Variants in HNF4G observed in about 807,000 individuals in gnomAD.
HNF4G encodes hepatocyte nuclear factor 4-gamma.
In HNF4G, 21 loss-of-function variants were observed where a neutral mutation model predicts 50.9. The ratio of observed to expected loss-of-function variants is 0.41; its 90% confidence interval spans 0.29 to 0.59. The LOEUF is 0.59. HNF4G is among the 20% of genes least tolerant of loss of function. HNF4G has a pLI of 0.26. For missense variants in HNF4G, 527 were observed against 559.4 expected, an observed-to-expected ratio of 0.94 and a Z score of 0.58; for synonymous variants, 198 against 185.6, an observed-to-expected ratio of 1.07 and a Z score of -0.54.
intron 1 of HNF4G, among the ~76,000 whole-genome samples, chr8:75,475,158 T>C (rs1212735031): frequency 6.6e-6 from 1 of 151,744 alleles, no homozygotes; most frequent in Non-Finnish European, 1.5e-5. Context: ...TACTGGTACA[T>C]GCCAACACGC....
In HNF4G at chr8:75,566,675, T is replaced by C. The variant is rs1425781677; in HGVS notation, c.*2579T>C. The C allele has an allele frequency of 1.3e-5, 2 of 152,446 alleles. No homozygotes were observed. Among genetic ancestry groups the C allele is most frequent in the African/African-American group, 4.8e-5 (2 of 41,448 alleles). The allele number at this position is 152,446 out of a possible 1,614,324, so 9.4% of individuals were successfully genotyped here. On this transcript the variant is annotated 3_prime_UTR_variant, in exon 10 of 10. Transcript: ENST00000396423. ...GAATAATTTATTGTGAAATAATTCA[T>C]TTTATAAATGTATAATTATTTTTAT... is the stretch of plus-strand genomic sequence containing the variant.
chr8:75,436,168 A>T (rs573978871), intron 1 of HNF4G, among the ~76,000 whole-genome samples: 41 of 152,336 alleles, frequency 2.7e-4, no homozygotes, highest in Middle Eastern at 3.4e-3. Context: ...CAAATAAATT[A>T]AAAAATATAT....
intron 1 of HNF4G, among the ~76,000 whole-genome samples, chr8:75,459,562 T>C (rs1162711773): frequency 6.6e-6 from 1 of 152,236 alleles, no homozygotes; most frequent in Non-Finnish European, 1.5e-5. Flanking sequence ...ACTTGGCTTG[T>C]GTAGTAGTGT....
At chr8:75,436,836 G>A (rs1811152759) in intron 1 of HNF4G, among the ~76,000 whole-genome samples, 1 of 59,634 alleles carries the variant, frequency 1.7e-5, no homozygotes, top group African/African-American at 1.4e-4. Flanking sequence ...TTGAGGCCAG[G>A]AGTTGCAACC....
chr8:75,558,899 C>G lies in HNF4G; in HGVS notation c.985C>G (p.Arg329Gly). Residue 329 changes from arginine (R) to glycine (G), a missense_variant, in exon 8 of 10, where the codon CGG (arginine) becomes GGG (glycine). Arg to Gly is a moderately radical substitution (Grantham distance 125, BLOSUM62 -2). Around this residue, in one of 5 missense-constraint regions of HNF4G, gnomAD observed 308 missense variants for 301.5 expected, o/e 1.02. Transcript: ENST00000396423. The part of the protein sequence containing the change: ...DYINDRQYDS[R>G]GRFGELLLLL... ...CATCAATGATCGGCAGTATGACTCC[C>G]GGGGGAGGTTTGGAGAGTTGCTTCT... 6.2e-7 allele frequency: 1 copy of G among 1,613,920 alleles called. No individual in the cohort carries two copies. The highest frequency in any genetic ancestry group is 8.5e-7 in the Non-Finnish European group (1 of 1,179,866).
At position 75,454,025 on chromosome 8, in the gene HNF4G, T is replaced by TTCTCTCTC. The variant is rs58676228; in HGVS notation, c.-143-36043_-143-36036dup. On this transcript the variant is annotated intron_variant, in intron 1 of 10. Transcript: ENST00000354370. Reference sequence around the variant, plus strand: ...TAATTGCTTTATAAGAAGAAGAAATTTCTCTCTCTCTCTCTCTCTCTCTCT... The same window carrying TTCTCTCTC: ...TAATTGCTTTATAAGAAGAAGAAATTTCTCTCTCTCTCTCTCTCTCTCTCTCTCTCTCT... 5.9e-3 allele frequency among the ~76,000 whole-genome samples: 784 copies of TTCTCTCTC among 133,896 alleles called. 6 individuals are homozygous for TTCTCTCTC. The highest frequency in any genetic ancestry group is 0.021 in the African/African-American group (739 of 35,148). 87.8% of individuals were successfully genotyped at this position (133,896 alleles called of 152,430 possible). A position where few individuals can be genotyped will look rare whatever the true frequency, so the allele number is the denominator to read the frequency against.
At chr8:75,498,589 A>C (rs1414128524) in intron 2 of HNF4G, among the ~76,000 whole-genome samples, 1 of 152,064 alleles carries the variant, frequency 6.6e-6, no homozygotes, top group African/African-American at 2.4e-5. Context: ...CCAGATGAAG[A>C]TATCAAAAGA....
At chr8:75,533,185 C>T (rs1018936697) in intron 2 of HNF4G, among the ~76,000 whole-genome samples, 1 of 151,954 alleles carries the variant, frequency 6.6e-6, no homozygotes. Context: ...TGGAGCATTT[C>T]CTGGGTGACA....
intron 1 of HNF4G, among the ~76,000 whole-genome samples, chr8:75,476,606 T>A (rs983549178): frequency 6.6e-6 from 1 of 152,248 alleles, no homozygotes. Flanking sequence ...ACATAGTTTT[T>A]AAAATTTGTT....
chr8:75,441,298 T>A (rs1811277745), intron 1 of HNF4G, among the ~76,000 whole-genome samples: 1 of 151,780 alleles, frequency 6.6e-6, no homozygotes. Flanking sequence ...CAGGCTAAAG[T>A]GCAATGGCAC....
At chr8:75,507,353 G>T (rs1397306078) in intron 2 of HNF4G, among the ~76,000 whole-genome samples, 1 of 151,246 alleles carries the variant, frequency 6.6e-6, no homozygotes, top group Non-Finnish European at 1.5e-5. Context: ...TCCACCTCAT[G>T]GGTTCAAGCA....
intron 1 of HNF4G, among the ~76,000 whole-genome samples, chr8:75,470,386 A>C (rs2130630623): frequency 6.6e-6 from 1 of 152,340 alleles, no homozygotes; most frequent in African/African-American, 2.4e-5. Context: ...TGGCAGGATT[A>C]CCTCATTTAA....
intron 1 of HNF4G, among the ~76,000 whole-genome samples, chr8:75,423,815 C>CTTTTT (rs548125507): frequency 0.038 from 2,680 of 71,330 alleles, 118 homozygotes; most frequent in Middle Eastern, 0.071. Flanking sequence ...AAGTTTCTTT[C>CTTTTT]TTTTTTTTTT....
intron 1 of HNF4G, among the ~76,000 whole-genome samples, chr8:75,461,940 G>T (rs1000178759): frequency 1.0e-4 from 15 of 143,946 alleles, no homozygotes; most frequent in African/African-American, 3.8e-4. Flanking sequence ...TTTTTTAGAT[G>T]GAGTTTTGCT....
chr8:75,517,503 GA>G (rs1479224822), intron 2 of HNF4G, among the ~76,000 whole-genome samples: 1 of 152,088 alleles, frequency 6.6e-6, no homozygotes, highest in Non-Finnish European at 1.5e-5. Flanking sequence ...TTCCAAATGG[GA>G]AAAATTGGCC....
At chr8:75,560,037 C>G (rs546096991) in intron 8 of HNF4G, among the ~76,000 whole-genome samples, 165 of 152,158 alleles carry the variant, frequency 1.1e-3, no homozygotes, top group African/African-American at 3.8e-3. Flanking sequence ...ATACTATAAA[C>G]TTGAGGTAAG....
At position 75,526,336 on chromosome 8, in the gene HNF4G, A is replaced by G. The variant is rs78551805; in HGVS notation, c.-23-17475A>G. 1.4e-3 allele frequency among the ~76,000 whole-genome samples: 211 copies of G among 151,878 alleles called. 1 individual carries two copies. The highest frequency in any genetic ancestry group is 4.4e-3 in the African/African-American group (184 of 41,408). Reference sequence around the variant, plus strand: ...ACCTGAGCCACTGCACCTGGCCTCAAATTTATGTTTAACCTCTAAATCAAT... The same window carrying G: ...ACCTGAGCCACTGCACCTGGCCTCAGATTTATGTTTAACCTCTAAATCAAT... On this transcript the variant is annotated intron_variant, in intron 2 of 10. Transcript: ENST00000354370.
rs574774827 is a variant in HNF4G, at chr8:75,506,007, A to G, written c.-24+15799A>G. On this transcript the variant is annotated intron_variant, in intron 2 of 10. Transcript: ENST00000354370. ...TTGAACTTTTAAAATTGGTTAGTAT[A>G]GAGGGTTATTTTTCTTAATGAAAAT... Among the ~76,000 whole-genome samples, 10 of 152,134 alleles carry G rather than the reference A, an allele frequency of 6.6e-5. No individual in the cohort carries two copies. The South Asian group carries it at 1.9e-3, about 28-fold the overall frequency.
At chr8:75,461,901 A>AAT (rs1811855903) in intron 1 of HNF4G, among the ~76,000 whole-genome samples, 1 of 93,808 alleles carries the variant, frequency 1.1e-5, no homozygotes, top group African/African-American at 5.2e-5. Flanking sequence ...TAAATATATA[A>AAT]ATATAAATAT....
Sources: gnomAD v4.1 joint callset for allele counts (sites outside exome capture counted in the v4.1 genomes callset) on GRCh38, gnomAD v4.1.1 for gene constraint, gnomAD v4.1.1 regional missense constraint, MANE v1.5 for transcripts, NCBI Gene and HGNC (gene_info 2026-07-23, HGNC 2026-07-21) for gene names.